The following SLC18A1 variants were observed in gnomAD, a reference collection of about 807,000 sequenced individuals.
The protein encoded by SLC18A1 is solute carrier family 18 member A1, also known as chromaffin granule amine transporter.
In SLC18A1, 69 loss-of-function variants were observed where a neutral mutation model predicts 53.7. The ratio of observed to expected loss-of-function variants is 1.28; its 90% CI spans 1.06 to 1.57. SLC18A1 has a LOEUF of 1.57. SLC18A1 is among the 40% of genes most tolerant of loss of function. The probability of loss-of-function intolerance (pLI) is 0.00; values close to 1 mark genes in which losing one functional copy is unlikely to be tolerated. For missense variants in SLC18A1, 932 were observed against 668.1 expected (o/e 1.40, Z -4.35); for synonymous variants, 320 against 248.1 (o/e 1.29, Z -2.72).
intron 12 of SLC18A1, chr8:20,148,538 G>T: frequency 8.6e-7 from 1 of 1,168,118 alleles, no homozygotes; most frequent in Non-Finnish European, 1.1e-6. Context: ...AGAAGATAGA[G>T]AAGAGGCCCC....
intron 12 of SLC18A1, chr8:20,148,546 C>T (rs145597208): frequency 3.6e-6 from 4 of 1,097,324 alleles, no homozygotes; most frequent in East Asian, 1.2e-4. Flanking sequence ...GAGAAGAGGC[C>T]CCAACAACCA....
At chr8:20,178,406 G>A (rs369353964) in intron 4 of SLC18A1, 29 bp downstream of exon 4, 2 of 1,577,876 alleles carry the variant, frequency 1.3e-6, no homozygotes, top group Non-Finnish European at 1.7e-6. Flanking sequence ...AATCAGTGAA[G>A]GGAAGAAAAG....
At chr8:20,156,576 G>T (rs1007573220) in intron 10 of SLC18A1, among the ~76,000 whole-genome samples, 2 of 152,162 alleles carry the variant, frequency 1.3e-5, no homozygotes, top group Non-Finnish European at 2.9e-5. Flanking sequence ...CTGCTCAAAG[G>T]TGTGAGCTGT....
At chr8:20,170,270 A>G (rs1420715837) in intron 8 of SLC18A1, among the ~76,000 whole-genome samples, 1 of 152,198 alleles carries the variant, frequency 6.6e-6, no homozygotes, top group East Asian at 1.9e-4. Context: ...AAATTCTTTC[A>G]GATGCTTCTC....
In SLC18A1 at chr8:20,174,382, A is replaced by G. The variant is rs748580182; in HGVS notation, c.610T>C (p.Ser204Pro). The change falls in exon 5 of 16, where the codon TCT becomes CCT. Residue 204 changes from serine (S) to proline (P), a missense_variant. By Grantham distance (74) the Ser-to-Pro change is moderately conservative. Transcript: ENST00000276373. ...TTACCTGCAACAGATGAAAATGAAG[A>G]TCCAATGCCTTGAAGGGTTCGGGCC... ...FVARTLQGIG[S>P]SFSSVAGLGM... 1 of 1,613,868 alleles carries G rather than the reference A, an allele frequency of 6.2e-7. No homozygotes were observed. Among genetic ancestry groups the G allele is most frequent in the East Asian group, 2.2e-5 (1 of 44,864 alleles).
In SLC18A1 at chr8:20,179,214, A is replaced by G. The variant is rs1483203486; in HGVS notation, c.395T>C (p.Leu132Ser). The change falls in exon 3 of 16, where the codon TTG becomes TCG. Residue 132 changes from leucine to serine, a missense_variant. Transcript: ENST00000276373. ...CCCGACCCGGGTAATCTCTTCCTCCAAGAAACCTGTGCCTTGCAAGCAGTT... is the reference window on the plus strand; with the variant it reads ...CCCGACCCGGGTAATCTCTTCCTCCGAGAAACCTGTGCCTTGCAAGCAGTT... ...KNNCLQGTGF[L>S]EEEITRVGVL... is the part of the protein sequence containing the mutation. 1 of 1,614,152 alleles carries G rather than the reference A, an allele frequency of 6.2e-7. No individual in the cohort carries two copies. The highest frequency in any genetic ancestry group is 1.1e-5 in the South Asian group (1 of 91,080).
At chr8:20,180,733 A>G in intron 2 of SLC18A1, 108 bp downstream of exon 2, 1 of 1,423,922 alleles carries the variant, frequency 7.0e-7, no homozygotes, top group South Asian at 1.3e-5. Context: ...TTTTGAGCAT[A>G]AAAAGGAAAA....
rs553515751 is a variant in SLC18A1 at position 20,154,851 on chromosome 8, G to A, written c.1016-4107C>T. 1.4e-3 allele frequency among the ~76,000 whole-genome samples: 211 copies of A among 152,326 alleles called. 6 individuals carry two copies. In the South Asian group the frequency reaches 0.042, roughly 30 times the overall value. On this transcript the variant is annotated intron_variant, in intron 10 of 15. Transcript: ENST00000276373. ...TTCATTCGCCGTCCACCACGGCTGA[G>A]CGCTGCCATCACAGACCCACCATTG...
At chr8:20,168,160 G>A (rs991884157) in intron 8 of SLC18A1, among the ~76,000 whole-genome samples, 1 of 152,064 alleles carries the variant, frequency 6.6e-6, no homozygotes, top group Non-Finnish European at 1.5e-5. Context: ...AAGGACGGGA[G>A]GCCAGGAGTT....
chr8:20,171,091 G>A lies in SLC18A1; in HGVS notation c.858+12C>T. 1.9e-6 allele frequency: 3 copies of A among 1,613,816 alleles called. No individual in the cohort carries two copies. Among genetic ancestry groups the A allele is most frequent in the Non-Finnish European group, 2.5e-6 (3 of 1,179,710 alleles). The stretch of plus-strand genomic sequence containing the variant: ...GTATAACTGTTAGAAATGGAGCTTT[G>A]TGTCTGCTTACCTCAGGAGAGACTT... On this transcript the variant is annotated intron_variant, in intron 8 of 15. Transcript: ENST00000276373.
Position 20,147,741 on chromosome 8 carries a change from G to A in SLC18A1, c.1211-19C>T. ...ACCATGCCTGTGGCCAGAGCAAACA[G>A]GACACAGTCAGCCCCACCCACAGTT... On this transcript the variant is annotated intron_variant, in intron 13 of 15. Coordinates refer to ENST00000276373, the MANE Select transcript of SLC18A1 (RefSeq NM_003053.4). The A allele has an allele frequency of 1.2e-6, 2 of 1,610,470 alleles. No individual in the cohort carries two copies. Among genetic ancestry groups the A allele is most frequent in the South Asian group, 1.1e-5 (1 of 90,688 alleles).
chr8:20,178,714 T>G (rs1325688853), intron 3 of SLC18A1, among the ~76,000 whole-genome samples: 2 of 152,192 alleles, frequency 1.3e-5, no homozygotes, highest in Admixed American at 1.3e-4. Flanking sequence ...AATTCTCATT[T>G]CCAGAAATGA....
intron 15 of SLC18A1, 26 bp downstream of exon 15, chr8:20,147,232 C>A: frequency 1.3e-6 from 2 of 1,570,982 alleles, no homozygotes; most frequent in Non-Finnish European, 1.7e-6. Context: ...AAGTGAATTT[C>A]TCTTTTAACA....
At chr8:20,160,118 T>C (rs2071785878) in intron 10 of SLC18A1, among the ~76,000 whole-genome samples, 1 of 152,042 alleles carries the variant, frequency 6.6e-6, no homozygotes, top group African/African-American at 2.4e-5. Flanking sequence ...TTTAATATTC[T>C]CTTCTATGGA....
At chr8:20,180,751 A>G in intron 2 of SLC18A1, 90 bp downstream of exon 2, 1 of 1,511,500 alleles carries the variant, frequency 6.6e-7, no homozygotes. Context: ...AAATTCTCAG[A>G]TGGATTCACT....
At chr8:20,168,512 T>C (rs6986634) in intron 8 of SLC18A1, among the ~76,000 whole-genome samples, 107,553 of 152,110 alleles carry the variant, frequency 0.71, 38,501 homozygotes, top group Middle Eastern at 0.8. Flanking sequence ...TATACCTATT[T>C]GGTATAAATA....
chr8:20,174,383 T>C lies in SLC18A1; in HGVS notation c.609A>G (p.Gly203=), dbSNP rs751656700. 3.7e-6 allele frequency: 6 copies of C among 1,613,722 alleles called. No individual in the cohort carries two copies. In the East Asian group the frequency reaches 6.7e-5, roughly 18 times the overall value. ...TACCTGCAACAGATGAAAATGAAGA[T>C]CCAATGCCTTGAAGGGTTCGGGCCA... ...LFVARTLQGI[G]SSFSSVAGLG... is the part of the protein sequence containing the mutation. The change falls in exon 5 of 16, where the codon GGA becomes GGG. Residue 203 remains glycine (G), a synonymous_variant. Transcript: ENST00000276373.
chr8:20,179,459 A>G lies in SLC18A1; in HGVS notation c.150T>C (p.Tyr50=), dbSNP rs2072358448. The change falls in exon 3 of 16, where the codon TAT becomes TAC. Residue 50 remains tyrosine, a synonymous_variant. Transcript: ENST00000276373. The part of the protein sequence containing the change: ...VVVPIVPTFL[Y]DMEFKEVNSS... ...AGTTGACTTCTTTGAACTCCATGTC[A>G]TATAGGAAGGTGGGCACAATTGGCA... 1 of 1,612,460 alleles carries G rather than the reference A, an allele frequency of 6.2e-7. No individual in the cohort carries two copies. The highest frequency in any genetic ancestry group is 8.5e-7 in the Non-Finnish European group (1 of 1,179,122).
In SLC18A1 at chr8:20,151,211, A is replaced by C. The variant is rs1013595800; in HGVS notation, c.1016-467T>G. 2.0e-5 allele frequency among the ~76,000 whole-genome samples: 3 copies of C among 148,846 alleles called. No individual in the cohort carries two copies. The South Asian group carries it at 6.4e-4, about 32-fold the overall frequency. On this transcript the variant is annotated intron_variant, in intron 10 of 15. Transcript: ENST00000276373. ...GAGATGGAGTCTCGTCATGTTGCCC[A>C]GGCTGGTCATGAAATCCTGCCTGCC...
Sources: allele counts gnomAD v4.1 joint callset (sites outside exome capture counted in the v4.1 genomes callset), GRCh38; gene constraint gnomAD v4.1.1; transcripts MANE v1.5; gene names NCBI Gene and HGNC (gene_info 2026-07-23, HGNC 2026-07-21).